LCOR: variants seen among roughly 807,000 people sequenced by gnomAD.
The protein encoded by LCOR is ligand dependent nuclear receptor corepressor, also known as ligand-dependent corepressor.
Under a neutral mutation model 64.4 loss-of-function variants are expected in LCOR, and 14 were observed. That is an observed-to-expected ratio of 0.22 (90% confidence interval 0.14 to 0.34). The LOEUF is 0.34. Among genes scored for constraint, LCOR ranks in the 10% least tolerant of loss-of-function variants. The pLI is 1.00. For missense variants in LCOR, 1,686 were observed against 1,765.3 expected, an observed-to-expected ratio of 0.96 and a Z score of 0.80; for synonymous variants, 643 against 642.5, an observed-to-expected ratio of 1.00 and a Z score of -0.01.
chr10:96,970,421 A>C (rs1847988663), intron 7 of LCOR, among the ~76,000 whole-genome samples: 1 of 151,746 alleles, frequency 6.6e-6, no homozygotes, highest in Admixed American at 6.6e-5. Flanking sequence ...TAAGAGTAAA[A>C]AATAAATTGA....
At chr10:96,840,334 A>T (rs1286270708) in intron 2 of LCOR, among the ~76,000 whole-genome samples, 1 of 152,182 alleles carries the variant, frequency 6.6e-6, no homozygotes, top group Non-Finnish European at 1.5e-5. Flanking sequence ...CATTTTTCTG[A>T]ATTCATTATT....
At chr10:96,847,261 G>C (rs1262476931) in intron 2 of LCOR, among the ~76,000 whole-genome samples, 2 of 150,072 alleles carry the variant, frequency 1.3e-5, no homozygotes, top group Admixed American at 1.3e-4. Flanking sequence ...GAAAAGAGAA[G>C]CTAGAATTTT....
intron 2 of LCOR, among the ~76,000 whole-genome samples, chr10:96,834,709 T>C (rs1451776161): frequency 1.3e-5 from 2 of 152,180 alleles, no homozygotes; most frequent in Admixed American, 6.5e-5. Flanking sequence ...AAATTTATAA[T>C]GTAGTCCTGT....
intron 5 of LCOR, among the ~76,000 whole-genome samples, chr10:96,947,384 G>A (rs1226446261): frequency 1.3e-5 from 2 of 152,028 alleles, no homozygotes; most frequent in Non-Finnish European, 2.9e-5. Context: ...AAAATTGCCT[G>A]TTCTTAGGAG....
In LCOR at chr10:96,980,676, G is replaced by A. The variant is rs1252468016; in HGVS notation, c.333-117G>A. 76 of 590,752 alleles carry A rather than the reference G, an allele frequency of 1.3e-4. 1 individual carries two copies. The South Asian group carries it at 1.5e-3, about 12-fold the overall frequency. The allele number at this position is 590,752 out of a possible 1,614,324, so 36.6% of individuals were successfully genotyped here. A position where few individuals can be genotyped will look rare whatever the true frequency, so the allele number is the denominator to read the frequency against. On this transcript the variant is annotated intron_variant, in intron 7 of 7. Coordinates refer to ENST00000421806, the MANE Select transcript of LCOR (RefSeq NM_001346516.2). ...AGCCTGGCCAACATAGCGAGACCCT[G>A]TATCTACAAAAAATAAATAAATAAT...
At chr10:96,937,319 C>A (rs991729814) in intron 4 of LCOR, among the ~76,000 whole-genome samples, 4 of 152,186 alleles carry the variant, frequency 2.6e-5, no homozygotes. Context: ...ACCCTATTGA[C>A]ACCCTAATTT....
chr10:96,906,826 A>G (rs1167851276), intron 2 of LCOR, among the ~76,000 whole-genome samples: 2 of 152,220 alleles, frequency 1.3e-5, no homozygotes, highest in Non-Finnish European at 2.9e-5. Context: ...TAAATATTTC[A>G]TAAACTTAAC....
At chr10:96,942,587 G>GAAGGGA (rs1847512704) in intron 4 of LCOR, among the ~76,000 whole-genome samples, 1 of 152,098 alleles carries the variant, frequency 6.6e-6, no homozygotes, top group Non-Finnish European at 1.5e-5. Flanking sequence ...ATTTTAATTT[G>GAAGGGA]AATATGCCAG....
At chr10:96,966,211 C>T (rs1316564660) in intron 7 of LCOR, among the ~76,000 whole-genome samples, 1 of 139,442 alleles carries the variant, frequency 7.2e-6, no homozygotes, top group Non-Finnish European at 1.5e-5. Flanking sequence ...TTTTTCCCCC[C>T]AAAGGACTCT....
At chr10:96,869,173 C>G (rs535135585) in intron 2 of LCOR, among the ~76,000 whole-genome samples, 21 of 152,196 alleles carry the variant, frequency 1.4e-4, no homozygotes, top group African/African-American at 4.8e-4. Flanking sequence ...TCCCAAAGTG[C>G]TGGGATTACA....
intron 7 of LCOR, chr10:96,960,286 G>C (rs951170177): frequency 6.6e-6 from 1 of 152,184 alleles, no homozygotes; most frequent in Non-Finnish European, 1.5e-5. Context: ...ACCCATAATA[G>C]TGAAGCATGG....
chr10:96,908,587 CAT>C (rs1846770574), intron 4 of LCOR, among the ~76,000 whole-genome samples: 1 of 151,896 alleles, frequency 6.6e-6, no homozygotes, highest in Non-Finnish European at 1.5e-5. Flanking sequence ...TTGTTTTAAA[CAT>C]AAACAGAATT....
In LCOR at chr10:96,911,282, G is replaced by C. The variant is rs141381935; in HGVS notation, c.-184+3535G>C. Among the ~76,000 whole-genome samples the C allele has an allele frequency of 5.1e-3, 778 of 152,024 alleles. 8 individuals are homozygous for C. Among genetic ancestry groups the C allele is most frequent in the African/African-American group, 0.018 (737 of 41,444 alleles). ...CCAGCTAAGTTTTGTATTTTTAGTA[G>C]AGACAGGGTTTTACCGTGTTGGCCA... On this transcript the variant is annotated intron_variant, in intron 4 of 7. Coordinates refer to ENST00000421806, the MANE Select transcript of LCOR (RefSeq NM_001346516.2).
intron 7 of LCOR, among the ~76,000 whole-genome samples, chr10:96,966,385 C>T (rs962725310): frequency 1.3e-5 from 2 of 151,726 alleles, no homozygotes; most frequent in African/African-American, 2.4e-5. Flanking sequence ...CCCGCCAACA[C>T]GCCCGGCTAA....
intron 2 of LCOR, 110 bp downstream of exon 2, chr10:96,833,589 C>A: frequency 2.8e-6 from 1 of 356,504 alleles, no homozygotes; most frequent in Non-Finnish European, 3.9e-6. Flanking sequence ...GTCTTTGCTT[C>A]GGTGCTGCTG....
At chr10:96,957,241 C>G (rs1847799302) in intron 7 of LCOR, 16 of 984,856 alleles carry the variant, frequency 1.6e-5, no homozygotes, top group Non-Finnish European at 1.9e-5. Flanking sequence ...ATAATACCCC[C>G]CTTCTTGACT....
intron 5 of LCOR, among the ~76,000 whole-genome samples, chr10:96,947,658 A>G (rs1426296962): frequency 6.6e-6 from 1 of 152,106 alleles, no homozygotes; most frequent in Non-Finnish European, 1.5e-5. Flanking sequence ...AGATCAGGGG[A>G]AGAGTTTTAA....
At position 96,839,433 on chromosome 10, in the gene LCOR, G is replaced by T. The variant is rs558478820; in HGVS notation, c.-330+5954G>T. Among the ~76,000 whole-genome samples, 6 of 152,288 alleles carry T rather than the reference G, an allele frequency of 3.9e-5. No individual in the cohort carries two copies. In the South Asian group the frequency reaches 8.3e-4, roughly 21 times the overall value. On this transcript the variant is annotated intron_variant, in intron 2 of 7. Transcript: ENST00000421806. The stretch of plus-strand genomic sequence containing the variant: ...GAATTCTCAAGAAAAGCCAGGTGCG[G>T]TGTCTCACACCTGTAATCCCAGTAC...
intron 4 of LCOR, among the ~76,000 whole-genome samples, chr10:96,908,737 A>C (rs1203834340): frequency 6.8e-6 from 1 of 146,536 alleles, no homozygotes; most frequent in Non-Finnish European, 1.5e-5. Flanking sequence ...TTTTTTTGAG[A>C]TGGAGTCTCA....
Sources: gnomAD v4.1 joint callset for allele counts (sites outside exome capture counted in the v4.1 genomes callset) on GRCh38, gnomAD v4.1.1 for gene constraint, MANE v1.5 for transcripts, NCBI Gene and HGNC (gene_info 2026-07-23, HGNC 2026-07-21) for gene names.